The following SYK variants were observed in gnomAD, a reference collection of about 807,000 sequenced individuals.
The protein encoded by SYK is tyrosine-protein kinase SYK.
In SYK, 16 loss-of-function variants were observed where a neutral mutation model predicts 77.8. That is an observed-to-expected ratio of 0.21 (90% confidence interval 0.14 to 0.31). SYK has a LOEUF of 0.31. SYK is among the 10% of genes least tolerant of loss of function. The pLI, the probability that SYK is intolerant of heterozygous loss-of-function variation, is 1.00. For synonymous variants in SYK, 312 were observed against 308.7 expected (o/e 1.01, Z -0.11); for missense variants, 529 against 814.4 (o/e 0.65, Z 4.26).
intron 3 of SYK, among the ~76,000 whole-genome samples, chr9:90,858,218 C>T (rs1827118579): frequency 6.6e-6 from 1 of 152,180 alleles, no homozygotes; most frequent in Non-Finnish European, 1.5e-5. Context: ...GGATAGTGTT[C>T]TAGTGTCTGT....
chr9:90,840,538 G>A (rs1826260335), intron 1 of SYK, among the ~76,000 whole-genome samples: 1 of 130,782 alleles, frequency 7.6e-6, no homozygotes, highest in South Asian at 2.8e-4. Flanking sequence ...CTAATGCGGT[G>A]AAACCCCGTC....
At chr9:90,855,552 A>T (rs943702850) in intron 3 of SYK, among the ~76,000 whole-genome samples, 1 of 152,172 alleles carries the variant, frequency 6.6e-6, no homozygotes, top group Non-Finnish European at 1.5e-5. Context: ...CTGCATAAAA[A>T]AATGGGGTGC....
intron 1 of SYK, among the ~76,000 whole-genome samples, chr9:90,839,085 G>T (rs1826194434): frequency 6.6e-6 from 1 of 152,204 alleles, no homozygotes; most frequent in African/African-American, 2.4e-5. Flanking sequence ...TGTGGGCAGT[G>T]ACTGGAATGG....
intron 2 of SYK, among the ~76,000 whole-genome samples, chr9:90,844,881 G>A (rs559349108): frequency 6.6e-6 from 1 of 152,300 alleles, no homozygotes; most frequent in South Asian, 2.1e-4. Context: ...ACGTCTGCAG[G>A]ATAAACTTTG....
intron 1 of SYK, among the ~76,000 whole-genome samples, chr9:90,807,827 C>T (rs1004398591): frequency 1.3e-5 from 2 of 152,210 alleles, no homozygotes; most frequent in Non-Finnish European, 2.9e-5. Context: ...CCCAGCCCTG[C>T]CCCCAGTCCC....
intron 13 of SYK, among the ~76,000 whole-genome samples, chr9:90,894,393 C>T (rs564591440): frequency 2.6e-5 from 4 of 152,312 alleles, no homozygotes; most frequent in African/African-American, 7.2e-5. Flanking sequence ...CCACACTGAT[C>T]AATTCGAGCA....
chr9:90,873,646 C>A (rs527963309), intron 7 of SYK, among the ~76,000 whole-genome samples: 2 of 152,156 alleles, frequency 1.3e-5, no homozygotes, highest in Non-Finnish European at 2.9e-5. Flanking sequence ...TAGTTACTGA[C>A]CAGTGCCACC....
Position 90,886,426 on chromosome 9 carries a change from T to C in SYK, c.1582-1323T>C, listed in dbSNP as rs79695922. 0.02 allele frequency among the ~76,000 whole-genome samples: 3,063 copies of C among 152,262 alleles called. 179 individuals carry two copies. The East Asian group carries it at 0.22, about 11-fold the overall frequency. On this transcript the variant is annotated intron_variant, in intron 11 of 13. Coordinates refer to ENST00000375754, the MANE Select transcript of SYK (RefSeq NM_003177.7). The stretch of plus-strand genomic sequence containing the variant: ...GAGACTTCTCAAAACAAAAACAGGC[T>C]GGGCACGGTGGCTCACACCTGTAAT...
intron 7 of SYK, among the ~76,000 whole-genome samples, chr9:90,868,787 C>A (rs1421230763): frequency 6.6e-6 from 1 of 152,148 alleles, no homozygotes; most frequent in African/African-American, 2.4e-5. Context: ...AAAGGCTCTG[C>A]AATTTTATTT....
At chr9:90,801,737 G>A (rs1826737404), upstream of SYK, 1 of 152,198 alleles carries the variant, frequency 6.6e-6, no homozygotes, top group South Asian at 2.1e-4. Context: ...GCGACACTGG[G>A]AGGAAGTGCG....
At chr9:90,867,029 TG>T in intron 6 of SYK, 101 bp from the exon 7 acceptor site, 2 of 1,262,954 alleles carry the variant, frequency 1.6e-6, no homozygotes, top group Non-Finnish European at 2.3e-6. Flanking sequence ...AGGGGGTTAG[TG>T]GTGCGATTAT....
At chr9:90,869,881 G>A (rs972161674) in intron 7 of SYK, among the ~76,000 whole-genome samples, 2 of 152,214 alleles carry the variant, frequency 1.3e-5, no homozygotes, top group Non-Finnish European at 2.9e-5. Flanking sequence ...GCCGAGGCAG[G>A]TGGATCACTT....
intron 1 of SYK, among the ~76,000 whole-genome samples, chr9:90,809,868 A>T (rs550239184): frequency 6.6e-6 from 1 of 151,986 alleles, no homozygotes; most frequent in Non-Finnish European, 1.5e-5. Context: ...TTGGGAGTGG[A>T]CAGGTGTGGA....
Position 90,877,786 on chromosome 9 carries a change from G to T in SYK, c.1391+6G>T, listed in dbSNP as rs199501490. ...AAGTATTTGCAGCAGAACAGGTATT[G>T]TCAGGTGCCCCCACACATCTGGAAG... On this transcript the variant is annotated splice_donor_region_variant and intron_variant, in intron 10 of 13. Coordinates refer to ENST00000375754, the MANE Select transcript of SYK (RefSeq NM_003177.7). The T allele has an allele frequency of 1.2e-5, 19 of 1,613,838 alleles. No individual in the cohort carries two copies. The highest frequency in any genetic ancestry group is 1.5e-5 in the Non-Finnish European group (18 of 1,179,980).
chr9:90,825,651 G>C (rs1314486813), intron 1 of SYK, among the ~76,000 whole-genome samples: 1 of 152,188 alleles, frequency 6.6e-6, no homozygotes, highest in African/African-American at 2.4e-5. Context: ...GGGTAGCCTG[G>C]ACAGTGGAGG....
intron 1 of SYK, among the ~76,000 whole-genome samples, chr9:90,817,465 C>T (rs528071405): frequency 7.9e-5 from 12 of 152,298 alleles, no homozygotes; most frequent in Admixed American, 3.3e-4. Flanking sequence ...GTGTTAATAT[C>T]CATTCATTTT....
chr9:90,840,575 A>AAT (rs1478854593), intron 1 of SYK, among the ~76,000 whole-genome samples: 4 of 151,052 alleles, frequency 2.6e-5, no homozygotes, highest in Non-Finnish European at 5.9e-5. Context: ...AAAAAAAAAA[A>AAT]ACTGTAGAAA....
Position 90,898,295 on chromosome 9 carries a change from C to T in SYK, c.*2695C>T, listed in dbSNP as rs1320227671. The T allele has an allele frequency of 8.7e-6, 2 of 229,620 alleles. No homozygotes were observed. The highest frequency in any genetic ancestry group is 6.2e-5 in the East Asian group (1 of 16,176). The allele number at this position is 229,620 out of a possible 1,614,324, so 14.2% of individuals were successfully genotyped here. On this transcript the variant is annotated 3_prime_UTR_variant, in exon 14 of 14. Coordinates refer to ENST00000375754, the MANE Select transcript of SYK (RefSeq NM_003177.7). ...TGTTTTCATCTGAGCGTGTCCTTCTCCCATACTCCCTATCAGCCAGCCCTG... is the reference window on the plus strand; with the variant it reads ...TGTTTTCATCTGAGCGTGTCCTTCTTCCATACTCCCTATCAGCCAGCCCTG...
intron 7 of SYK, 140 bp downstream of exon 7, chr9:90,867,339 C>G: frequency 1.2e-6 from 1 of 845,238 alleles, no homozygotes; most frequent in South Asian, 1.5e-5. Flanking sequence ...TGCCCTTGCT[C>G]ACACCTGCTG....
Sources: gnomAD v4.1 joint callset for allele counts (sites outside exome capture counted in the v4.1 genomes callset) on GRCh38, gnomAD v4.1.1 for gene constraint, MANE v1.5 for transcripts, NCBI Gene and HGNC (gene_info 2026-07-23, HGNC 2026-07-21) for gene names.